EXT2: variants seen among roughly 807,000 people sequenced by gnomAD.
EXT2 encodes exostosin-2.
EXT2 carries 53 observed loss-of-function variants against 81.6 expected under a neutral mutation model. The ratio of observed to expected loss-of-function variants is 0.65; its 90% CI spans 0.52 to 0.82. The LOEUF (loss-of-function observed/expected upper bound fraction) is 0.82. Among genes scored for constraint, EXT2 ranks in the 40% least tolerant of loss-of-function variants. EXT2 has a pLI of 0.00. For synonymous variants in EXT2, 320 were observed against 340.0 expected, an observed-to-expected ratio of 0.94 and a Z score of 0.65; for missense variants, 774 against 910.2, an observed-to-expected ratio of 0.85 and a Z score of 1.93.
At position 44,246,866 on chromosome 11, in the gene EXT2, C is replaced by T. The variant is rs1422183366; in HGVS notation, c.*2579C>T. 6.6e-6 allele frequency among the ~76,000 whole-genome samples: 1 copy of T among 152,210 alleles called. No individual in the cohort carries two copies. The highest frequency in any genetic ancestry group is 2.4e-5 in the African/African-American group (1 of 41,460). ...TGGTTTCAGAAGCAGAACAATCATG[C>T]TAATTAAAATGTCGTGTTCTGGCCT... On this transcript the variant is annotated 3_prime_UTR_variant, in exon 14 of 14. Transcript: ENST00000533608.
intron 8 of EXT2, among the ~76,000 whole-genome samples, chr11:44,191,447 C>T (rs1955390683): frequency 6.6e-6 from 1 of 152,252 alleles, no homozygotes; most frequent in Non-Finnish European, 1.5e-5. Context: ...AGCTTTGCCT[C>T]TTCTCCAGCT....
chr11:44,190,081 A>G (rs1470402741), intron 8 of EXT2, among the ~76,000 whole-genome samples: 5 of 152,180 alleles, frequency 3.3e-5, no homozygotes, highest in Non-Finnish European at 7.4e-5. Flanking sequence ...ATATGATGCT[A>G]ATGCTTAACT....
intron 7 of EXT2, among the ~76,000 whole-genome samples, chr11:44,134,842 T>A (rs984265288): frequency 1.3e-5 from 2 of 152,186 alleles, no homozygotes; most frequent in South Asian, 4.1e-4. Flanking sequence ...CTGACTTGCC[T>A]TTGAACTCTT....
Position 44,120,334 on chromosome 11 carries a change from C to T in EXT2, c.744-4455C>T, listed in dbSNP as rs545705605. Among the ~76,000 whole-genome samples the T allele has an allele frequency of 5.3e-5, 8 of 152,180 alleles. No homozygotes were observed. In the South Asian group the frequency reaches 6.2e-4, roughly 12 times the overall value. ...GTCCAGTTTATCTTCAGGGTAGCAC[C>T]GAAAGGTAAGGCTGCGCTGAGCATG... On this transcript the variant is annotated intron_variant, in intron 4 of 13. Transcript: ENST00000533608.
intron 13 of EXT2, among the ~76,000 whole-genome samples, chr11:44,237,920 A>T (rs964085355): frequency 1.1e-5 from 1 of 89,044 alleles, no homozygotes; most frequent in Non-Finnish European, 2.7e-5. Context: ...AAAAAAAAAA[A>T]AAAAAAAAAA....
At chr11:44,138,458 T>C (rs1245710643) in intron 7 of EXT2, among the ~76,000 whole-genome samples, 2 of 152,170 alleles carry the variant, frequency 1.3e-5, no homozygotes, top group Non-Finnish European at 2.9e-5. Flanking sequence ...TGATTTGTTT[T>C]TTTTTCATGG....
intron 10 of EXT2, among the ~76,000 whole-genome samples, chr11:44,219,083 G>T (rs148888226): frequency 1.3e-5 from 2 of 152,054 alleles, no homozygotes; most frequent in South Asian, 2.1e-4. Context: ...CTACAGGTGT[G>T]AGCCACTGCA....
intron 3 of EXT2, among the ~76,000 whole-genome samples, chr11:44,113,401 TTGGTGTGA>T (rs1954173573): frequency 6.6e-6 from 1 of 152,206 alleles, no homozygotes; most frequent in Non-Finnish European, 1.5e-5. Flanking sequence ...ACAGTAAAAG[TTGGTGTGA>T]TATACACCTG....
At chr11:44,132,534 G>A (rs1012848037) in intron 7 of EXT2, among the ~76,000 whole-genome samples, 2 of 152,166 alleles carry the variant, frequency 1.3e-5, no homozygotes, top group African/African-American at 4.8e-5. Context: ...AAATGAAGGG[G>A]TTGGCTAAAT....
At chr11:44,197,365 C>T (rs1293860315) in intron 8 of EXT2, among the ~76,000 whole-genome samples, 1 of 152,112 alleles carries the variant, frequency 6.6e-6, no homozygotes, top group African/African-American at 2.4e-5. Flanking sequence ...GCCATCGCTG[C>T]CTCCCCTCCT....
intron 9 of EXT2, among the ~76,000 whole-genome samples, chr11:44,200,812 G>T (rs1162348404): frequency 1.3e-5 from 2 of 152,154 alleles, no homozygotes; most frequent in African/African-American, 4.8e-5. Context: ...TGGACTTGGG[G>T]TCATCTTCAG....
intron 3 of EXT2, among the ~76,000 whole-genome samples, chr11:44,112,689 G>A (rs775762077): frequency 3.3e-5 from 5 of 152,166 alleles, no homozygotes; most frequent in African/African-American, 4.8e-5. Flanking sequence ...GATCTTCAGC[G>A]TAAGGCATGC....
chr11:44,241,238 C>T (rs1956033496), intron 13 of EXT2, among the ~76,000 whole-genome samples: 3 of 151,932 alleles, frequency 2.0e-5, no homozygotes, highest in African/African-American at 2.4e-5. Context: ...AGTGTCTTCA[C>T]CAAGGTTAGG....
chr11:44,188,324 C>T (rs1175567980), intron 8 of EXT2, among the ~76,000 whole-genome samples: 1 of 152,120 alleles, frequency 6.6e-6, no homozygotes, highest in East Asian at 1.9e-4. Flanking sequence ...GTGGCCCATC[C>T]AACTCTCACA....
intron 9 of EXT2, among the ~76,000 whole-genome samples, chr11:44,201,994 C>G (rs984460377): frequency 2.0e-5 from 3 of 152,136 alleles, no homozygotes; most frequent in Non-Finnish European, 1.5e-5. Flanking sequence ...AAAGGGAAAA[C>G]ATGAAACTGA....
Position 44,249,652 on chromosome 11 carries a change from C to A in EXT2, c.*5365C>A, listed in dbSNP as rs529117536. Among the ~76,000 whole-genome samples the A allele has an allele frequency of 6.6e-6, 1 of 152,354 alleles. No individual in the cohort carries two copies. The highest frequency in any genetic ancestry group is 1.5e-5 in the Non-Finnish European group (1 of 68,036). ...ATTGGCTACTATACCCAAGCATCAA[C>A]TCAAGGAACATTTGGTTTTCTGGTG... On this transcript the variant is annotated 3_prime_UTR_variant, in exon 14 of 14. Coordinates refer to ENST00000533608, the MANE Select transcript of EXT2 (RefSeq NM_207122.2).
intron 10 of EXT2, among the ~76,000 whole-genome samples, chr11:44,207,411 T>C (rs1955597006): frequency 1.3e-5 from 2 of 152,236 alleles, no homozygotes; most frequent in South Asian, 4.1e-4. Context: ...GCTGCCTGTC[T>C]TTAGGGAGAA....
chr11:44,130,858 G>A (rs973318022), intron 7 of EXT2, among the ~76,000 whole-genome samples: 8 of 152,236 alleles, frequency 5.3e-5, no homozygotes, highest in Non-Finnish European at 8.8e-5. Context: ...GAGGCTTGGC[G>A]GATTCTCAGC....
intron 7 of EXT2, among the ~76,000 whole-genome samples, chr11:44,168,769 A>G (rs1455228707): frequency 6.6e-6 from 1 of 152,230 alleles, no homozygotes; most frequent in Non-Finnish European, 1.5e-5. Flanking sequence ...ATTTGGGTAA[A>G]AAGAAGCTTT....
Sources: allele counts gnomAD v4.1 joint callset (sites outside exome capture counted in the v4.1 genomes callset), GRCh38; gene constraint gnomAD v4.1.1; transcripts MANE v1.5; gene names NCBI Gene and HGNC (gene_info 2026-07-23, HGNC 2026-07-21).